The following MYO1E variants were observed in gnomAD, a reference collection of about 807,000 sequenced individuals.
MYO1E encodes the protein unconventional myosin-Ie.
MYO1E carries 68 observed loss-of-function variants against 151.1 expected under a neutral mutation model. The ratio of observed to expected loss-of-function variants is 0.45; its 90% confidence interval spans 0.37 to 0.55. The LOEUF (loss-of-function observed/expected upper bound fraction) is 0.55. MYO1E is among the 20% of genes least tolerant of loss of function. MYO1E has a pLI of 0.00. For synonymous variants in MYO1E, 601 were observed against 501.7 expected (o/e 1.20, Z -2.64); for missense variants, 1,363 against 1,389.3 (o/e 0.98, Z 0.30).
intron 8 of MYO1E, 46 bp from the exon 9 acceptor site, chr15:59,223,237 T>C (rs1417465680): frequency 1.2e-6 from 2 of 1,613,206 alleles, no homozygotes; most frequent in Non-Finnish European, 1.7e-6. Context: ...GTCACCAGCT[T>C]TAAAAGCACC....
intron 4 of MYO1E, among the ~76,000 whole-genome samples, chr15:59,252,430 A>C (rs1370048032): frequency 6.6e-6 from 1 of 152,164 alleles, no homozygotes; most frequent in African/African-American, 2.4e-5. Context: ...AAAATGCAAA[A>C]GAGGCTGGGT....
At chr15:59,304,276 G>A (rs28550825) in intron 1 of MYO1E, among the ~76,000 whole-genome samples, 25,324 of 152,074 alleles carry the variant, frequency 0.17, 3,500 homozygotes, top group African/African-American at 0.38. Flanking sequence ...AGCCACTGCG[G>A]CCCGCCTATT....
intron 4 of MYO1E, among the ~76,000 whole-genome samples, chr15:59,248,515 G>T (rs552210045): frequency 1.7e-4 from 24 of 137,826 alleles, no homozygotes; most frequent in African/African-American, 6.2e-4. Flanking sequence ...AAAAAAGTTA[G>T]CATCCATAGA....
intron 20 of MYO1E, 77 bp from the exon 21 acceptor site, chr15:59,173,992 C>T (rs2079610294): frequency 1.3e-6 from 2 of 1,541,708 alleles, no homozygotes; most frequent in African/African-American, 1.4e-5. Context: ...TGGAAATATA[C>T]AAAGAAACTC....
At chr15:59,154,003 G>A (rs185350608) in intron 25 of MYO1E, among the ~76,000 whole-genome samples, 1 of 152,132 alleles carries the variant, frequency 6.6e-6, no homozygotes, top group East Asian at 1.9e-4. Context: ...CTTTACTGAG[G>A]TATAACTGAC....
At chr15:59,247,886 C>T (rs925024729) in intron 4 of MYO1E, among the ~76,000 whole-genome samples, 1 of 152,148 alleles carries the variant, frequency 6.6e-6, no homozygotes, top group Non-Finnish European at 1.5e-5. Flanking sequence ...CTTTGGGAGG[C>T]TGAGGCAGGC....
At chr15:59,322,167 T>C (rs2080630561) in intron 1 of MYO1E, among the ~76,000 whole-genome samples, 3 of 143,788 alleles carry the variant, frequency 2.1e-5, no homozygotes, top group Non-Finnish European at 4.5e-5. Context: ...AGAGTAAGAC[T>C]CTGTCTCAAA....
intron 4 of MYO1E, among the ~76,000 whole-genome samples, chr15:59,249,856 C>G (rs1044813374): frequency 3.9e-5 from 6 of 152,198 alleles, no homozygotes; most frequent in African/African-American, 1.4e-4. Flanking sequence ...CCTGCCCCAT[C>G]CAGTGTCAGG....
Position 59,227,601 on chromosome 15 carries a change from G to C in MYO1E, c.511-11C>G. On this transcript the variant is annotated splice_polypyrimidine_tract_variant and intron_variant, in intron 6 of 27. Transcript: ENST00000288235. ...TTCAAAGTATTTTCCCTGCAAGAAA[G>C]TTAGGGATTTCCTTCAATGGTTGGT... 1 of 1,614,000 alleles carries C rather than the reference G, an allele frequency of 6.2e-7. No individual in the cohort carries two copies. The highest frequency in any genetic ancestry group is 8.5e-7 in the Non-Finnish European group (1 of 1,179,938).
At chr15:59,265,785 A>G (rs1021711497) in intron 2 of MYO1E, among the ~76,000 whole-genome samples, 43 of 125,020 alleles carry the variant, frequency 3.4e-4, no homozygotes, top group African/African-American at 9.6e-4. Context: ...CTGAGACCCC[A>G]TCTCCTTAAA....
At chr15:59,231,019 C>T (rs1403404580) in intron 6 of MYO1E, among the ~76,000 whole-genome samples, 2 of 152,148 alleles carry the variant, frequency 1.3e-5, no homozygotes, top group Non-Finnish European at 2.9e-5. Context: ...CTATTTACCC[C>T]CTCTGGAGAC....
At chr15:59,300,862 T>C (rs947388851) in intron 1 of MYO1E, among the ~76,000 whole-genome samples, 4 of 145,544 alleles carry the variant, frequency 2.7e-5, no homozygotes, top group Admixed American at 6.7e-5. Context: ...TTTTCCTTTT[T>C]TTTCTTTTTT....
intron 14 of MYO1E, chr15:59,208,035 G>T: frequency 6.3e-7 from 1 of 1,587,624 alleles, no homozygotes; most frequent in Admixed American, 1.9e-5. Flanking sequence ...AGGCCCATCT[G>T]AAAAAAAGTG....
At chr15:59,348,737 T>C (rs1158862088) in intron 1 of MYO1E, 1 of 152,088 alleles carries the variant, frequency 6.6e-6, no homozygotes, top group Non-Finnish European at 1.5e-5. Context: ...GTTCAAGTGA[T>C]TCTCCTGCCT....
chr15:59,156,206 C>A (rs146200037), intron 25 of MYO1E, among the ~76,000 whole-genome samples: 2 of 152,088 alleles, frequency 1.3e-5, no homozygotes, highest in East Asian at 3.9e-4. Flanking sequence ...TATTTTTGAG[C>A]CAGAGTGTTG....
intron 1 of MYO1E, among the ~76,000 whole-genome samples, chr15:59,366,995 CGCAAAAAAAAAAA>C (rs2080917920): frequency 1.9e-5 from 2 of 107,320 alleles, no homozygotes; most frequent in Admixed American, 9.0e-5. Flanking sequence ...GCTGCATTTT[CGCAAAAAAAAAAA>C]AAAAAAAAAA....
At chr15:59,255,020 T>A (rs575084555) in intron 4 of MYO1E, among the ~76,000 whole-genome samples, 2 of 152,144 alleles carry the variant, frequency 1.3e-5, no homozygotes, top group Non-Finnish European at 2.9e-5. Context: ...GAGACAGGGT[T>A]TCCCCATGTT....
chr15:59,184,501 C>T (rs2079684065), intron 18 of MYO1E, among the ~76,000 whole-genome samples: 1 of 152,040 alleles, frequency 6.6e-6, no homozygotes, highest in Non-Finnish European at 1.5e-5. Context: ...GCTGGCATTA[C>T]AGGCATGGGA....
intron 4 of MYO1E, among the ~76,000 whole-genome samples, chr15:59,239,474 A>C (rs1303237915): frequency 6.6e-6 from 1 of 151,686 alleles, no homozygotes; most frequent in Non-Finnish European, 1.5e-5. Context: ...AGAATTATAA[A>C]ATAATATATA....
Sources: gnomAD v4.1 joint callset for allele counts (sites outside exome capture counted in the v4.1 genomes callset) on GRCh38, gnomAD v4.1.1 for gene constraint, MANE v1.5 for transcripts, NCBI Gene and HGNC (gene_info 2026-07-23, HGNC 2026-07-21) for gene names.